PDE3A: variants seen among roughly 807,000 people sequenced by gnomAD.
PDE3A encodes phosphodiesterase 3A, also known as cGMP-inhibited 3',5'-cyclic phosphodiesterase 3A.
A neutral mutation model predicts 98.3 loss-of-function variants in PDE3A; 43 were observed. The observed-to-expected ratio is 0.44, with a 90% CI of 0.34 to 0.56. PDE3A has a LOEUF of 0.56. PDE3A is among the 20% of genes least tolerant of loss of function. The probability of loss-of-function intolerance (pLI) is 0.01; values close to 1 mark genes in which losing one functional copy is unlikely to be tolerated. For missense variants in PDE3A, 1,427 were observed against 1,440.7 expected (o/e 0.99, Z 0.15); for synonymous variants, 663 against 567.9 (o/e 1.17, Z -2.38).
At chr12:20,548,690 T>G (rs1249471346) in intron 1 of PDE3A, among the ~76,000 whole-genome samples, 2 of 152,172 alleles carry the variant, frequency 1.3e-5, no homozygotes, top group African/African-American at 4.8e-5. Flanking sequence ...CTTGAAAGTT[T>G]AGTCAAAATG....
Position 20,635,031 on chromosome 12 carries a change from A to G in PDE3A, c.1976A>G (p.Tyr659Cys). 1 of 1,613,742 alleles carries G rather than the reference A, an allele frequency of 6.2e-7. No homozygotes were observed. The highest frequency in any genetic ancestry group is 8.5e-7 in the Non-Finnish European group (1 of 1,179,776). ...PLRKASACST[Y>C]APETMMFLDK... Reference sequence around the variant, plus strand: ...AGGAAAGCATCGGCTTGCAGCACCTATGCTCCTGAGACCATGATGTTTCTG... The same window carrying G: ...AGGAAAGCATCGGCTTGCAGCACCTGTGCTCCTGAGACCATGATGTTTCTG... Residue 659 changes from tyrosine to cysteine, a missense_variant, in exon 8 of 16, where the codon TAT (tyrosine) becomes TGT (cysteine). This residue lies in a region of PDE3A where 1,012 missense variants were observed against 886.5 expected (regional missense o/e 1.14). Coordinates refer to ENST00000359062, the MANE Select transcript of PDE3A (RefSeq NM_000921.5).
intron 1 of PDE3A, among the ~76,000 whole-genome samples, chr12:20,542,582 C>A (rs1345232387): frequency 3.9e-5 from 6 of 151,926 alleles, no homozygotes; most frequent in African/African-American, 9.7e-5. Context: ...ATGCTACAGT[C>A]TGAGAAATTG....
intron 2 of PDE3A, among the ~76,000 whole-genome samples, chr12:20,559,779 G>A (rs1215667406): frequency 6.6e-6 from 1 of 152,122 alleles, no homozygotes; most frequent in Non-Finnish European, 1.5e-5. Flanking sequence ...TGATGTCTGA[G>A]GTGTGGCTTT....
At chr12:20,652,780 T>G (rs1218134430) in intron 14 of PDE3A, among the ~76,000 whole-genome samples, 1 of 152,138 alleles carries the variant, frequency 6.6e-6, no homozygotes, top group Non-Finnish European at 1.5e-5. Context: ...GGACTTCATG[T>G]CTAAAACACC....
In PDE3A at chr12:20,421,620, C is replaced by G. The variant is rs1040184438; in HGVS notation, c.960+51376C>G. ...TAATAAAAAAAAAAAAAAAAACCAC[C>G]CATGCTCACTTTTGTGCTTGGGAAC... On this transcript the variant is annotated intron_variant, in intron 1 of 15. Transcript: ENST00000359062. Among the ~76,000 whole-genome samples the G allele has an allele frequency of 4.0e-5, 6 of 150,918 alleles. No homozygotes were observed. In the East Asian group the frequency reaches 1.2e-3, roughly 29 times the overall value.
rs768083291 is a variant in PDE3A at position 20,370,087 on chromosome 12, G to A, written c.803G>A (p.Arg268Lys). The change falls in exon 1 of 16, where the codon AGG becomes AAG. Residue 268 changes from arginine to lysine, a missense_variant. This residue lies in a region of PDE3A where 1,012 missense variants were observed against 886.5 expected (regional missense o/e 1.14). Coordinates refer to ENST00000359062, the MANE Select transcript of PDE3A (RefSeq NM_000921.5). ...CCGCAGTCCGCGGAGGCGGCTCCAA[G>A]GGAGCATTTGGGGTCCCAGCTGATT... is the stretch of plus-strand genomic sequence containing the variant. ...ILPQSAEAAP[R>K]EHLGSQLIAG... is the part of the protein sequence containing the mutation. 5.6e-6 allele frequency: 9 copies of A among 1,613,066 alleles called. No homozygotes were observed. The Admixed American group carries it at 1.5e-4, about 27-fold the overall frequency.
At chr12:20,410,358 A>G (rs1944311751) in intron 1 of PDE3A, among the ~76,000 whole-genome samples, 1 of 152,208 alleles carries the variant, frequency 6.6e-6, no homozygotes, top group Non-Finnish European at 1.5e-5. Context: ...CTTTTCCAAC[A>G]TGCAAAAGCT....
chr12:20,413,396 T>G (rs969688806), intron 1 of PDE3A, among the ~76,000 whole-genome samples: 5 of 152,152 alleles, frequency 3.3e-5, no homozygotes, highest in African/African-American at 1.2e-4. Flanking sequence ...GCCATGGATC[T>G]TTGTTTCTGT....
intron 1 of PDE3A, among the ~76,000 whole-genome samples, chr12:20,489,822 C>A (rs1945799000): frequency 6.6e-6 from 1 of 152,084 alleles, no homozygotes; most frequent in South Asian, 2.1e-4. Context: ...AACATTTATG[C>A]CCCAATAATG....
chr12:20,438,334 A>G (rs753729068), intron 1 of PDE3A, among the ~76,000 whole-genome samples: 4 of 152,192 alleles, frequency 2.6e-5, no homozygotes, highest in Admixed American at 2.0e-4. Flanking sequence ...AGTCTGCTGT[A>G]TATAATGTTA....
chr12:20,613,324 G>A, intron 2 of PDE3A, 119 bp from the exon 3 acceptor site: 2 of 910,034 alleles, frequency 2.2e-6, no homozygotes, highest in East Asian at 2.5e-5. Flanking sequence ...GAATTTTACT[G>A]TACTGAAATC....
rs147916285 is a variant in PDE3A, at chr12:20,520,072, C to T, written c.961-36588C>T. ...AAGCTTTGAACCTAGGTATGTTTAA[C>T]GCTAAAGCCTGTGAATTGCACCATA... is the stretch of plus-strand genomic sequence containing the variant. On this transcript the variant is annotated intron_variant, in intron 1 of 15. Coordinates refer to ENST00000359062, the MANE Select transcript of PDE3A (RefSeq NM_000921.5). Among the ~76,000 whole-genome samples, 137 of 152,200 alleles carry T rather than the reference C, an allele frequency of 9.0e-4. 1 individual carries two copies. The highest frequency in any genetic ancestry group is 2.9e-3 in the African/African-American group (119 of 41,512).
intron 2 of PDE3A, among the ~76,000 whole-genome samples, chr12:20,600,213 G>A (rs1397686301): frequency 6.6e-6 from 1 of 152,094 alleles, no homozygotes; most frequent in Non-Finnish European, 1.5e-5. Flanking sequence ...TATATTTCCA[G>A]TTCAGAAGTC....
rs1946020258 is a variant in PDE3A, at chr12:20,687,931, A to AAC, written c.*7661_*7662insCA. Among the ~76,000 whole-genome samples the AAC allele has an allele frequency of 6.6e-6, 1 of 150,954 alleles. No individual in the cohort carries two copies. Among genetic ancestry groups the AAC allele is most frequent in the African/African-American group, 2.4e-5 (1 of 41,228 alleles). ...TCCCAACAGAAAAAAAAAAAAAAAA[A>AAC]AAAAAACTGGCATTGGCAAGTTTTA... On this transcript the variant is annotated 3_prime_UTR_variant, in exon 16 of 16. Coordinates refer to ENST00000359062, the MANE Select transcript of PDE3A (RefSeq NM_000921.5).
chr12:20,673,956 T>A (rs978325152), intron 15 of PDE3A, among the ~76,000 whole-genome samples: 25 of 152,188 alleles, frequency 1.6e-4, no homozygotes, highest in African/African-American at 6.0e-4. Flanking sequence ...AGATCCATGA[T>A]CATGGGATGT....
intron 1 of PDE3A, among the ~76,000 whole-genome samples, chr12:20,410,145 T>G (rs1389516646): frequency 6.6e-6 from 1 of 152,180 alleles, no homozygotes; most frequent in Non-Finnish European, 1.5e-5. Flanking sequence ...TCATATTCCT[T>G]AAACATTGCT....
intron 1 of PDE3A, among the ~76,000 whole-genome samples, chr12:20,432,176 C>T (rs1944709281): frequency 6.6e-6 from 1 of 152,106 alleles, no homozygotes; most frequent in East Asian, 1.9e-4. Context: ...TCCCAGTTTA[C>T]CAGATACTTA....
chr12:20,475,169 A>G (rs1365697064), intron 1 of PDE3A, among the ~76,000 whole-genome samples: 1 of 96,410 alleles, frequency 1.0e-5, no homozygotes, highest in Non-Finnish European at 2.2e-5. Context: ...AGAGGAAAAA[A>G]TGTGTGTGAG....
intron 1 of PDE3A, among the ~76,000 whole-genome samples, chr12:20,531,900 T>G (rs1016967180): frequency 2.0e-5 from 3 of 151,620 alleles, no homozygotes; most frequent in Non-Finnish European, 4.4e-5. Flanking sequence ...TTCCATCTCA[T>G]AAACTTCTAT....
Sources: allele counts gnomAD v4.1 joint callset (sites outside exome capture counted in the v4.1 genomes callset), GRCh38; gene constraint gnomAD v4.1.1; regional missense constraint gnomAD v4.1.1; transcripts MANE v1.5; gene names NCBI Gene and HGNC (gene_info 2026-07-23, HGNC 2026-07-21).